TRAPPC9: variants seen among roughly 807,000 people sequenced by gnomAD.
TRAPPC9 encodes trafficking protein particle complex subunit 9.
In TRAPPC9, 83 loss-of-function variants were observed where a neutral mutation model predicts 124.0. That is an observed-to-expected ratio of 0.67 (90% CI 0.56 to 0.80). The LOEUF is 0.80. Ranked by LOEUF, TRAPPC9 falls within the 30% of genes least tolerant of loss-of-function variation. The pLI is 0.00. For missense variants in TRAPPC9, 1,302 were observed against 1,508.3 expected, an observed-to-expected ratio of 0.86 and a Z score of 2.27; for synonymous variants, 638 against 617.5, an observed-to-expected ratio of 1.03 and a Z score of -0.49.
intron 17 of TRAPPC9, among the ~76,000 whole-genome samples, chr8:140,046,891 C>T (rs117859669): frequency 0.031 from 4,729 of 152,334 alleles, 95 homozygotes; most frequent in Non-Finnish European, 0.045. Context: ...TGGAACTCAA[C>T]TTTTCTTCAT....
Position 140,397,629 on chromosome 8 carries a change from G to C in TRAPPC9, c.1125C>G (p.Asn375Lys). Reference sequence around the variant, plus strand: ...GTAGACATACACTCACCTGTCGAAGGTTAATGTAAACTGCATTCTGAAGAA... The same window carrying C: ...GTAGACATACACTCACCTGTCGAAGCTTAATGTAAACTGCATTCTGAAGAA... ...SEFLQNAVYI[N>K]LRQLSEEEKI... The change falls in exon 7 of 23, where the codon AAC becomes AAG. Residue 375 changes from asparagine (N) to lysine (K), a missense_variant. By Grantham distance (94) the Asn-to-Lys change is moderately conservative (BLOSUM62 0). Coordinates refer to ENST00000438773, the MANE Select transcript of TRAPPC9 (RefSeq NM_001160372.4). The C allele has an allele frequency of 6.2e-7, 1 of 1,614,090 alleles. No homozygotes were observed.
chr8:140,106,308 T>C (rs1337934708), intron 17 of TRAPPC9, among the ~76,000 whole-genome samples: 4 of 152,154 alleles, frequency 2.6e-5, no homozygotes, highest in African/African-American at 7.2e-5. Flanking sequence ...GCCAGAAAAG[T>C]TGCTGACAGG....
intron 2 of TRAPPC9, among the ~76,000 whole-genome samples, chr8:140,446,526 T>C (rs2071265446): frequency 6.6e-6 from 1 of 152,028 alleles, no homozygotes; most frequent in South Asian, 2.1e-4. Context: ...TGAGCCCTCA[T>C]AAGGGGCGCA....
intron 19 of TRAPPC9, among the ~76,000 whole-genome samples, chr8:139,985,739 T>A (rs1318047709): frequency 6.6e-6 from 1 of 152,104 alleles, no homozygotes; most frequent in Non-Finnish European, 1.5e-5. Flanking sequence ...ATGCGTGTCA[T>A]TAACAATAAT....
At chr8:139,823,600 C>T (rs925682147) in intron 21 of TRAPPC9, among the ~76,000 whole-genome samples, 1 of 152,176 alleles carries the variant, frequency 6.6e-6, no homozygotes, top group African/African-American at 2.4e-5. Context: ...GCTCCAGGAG[C>T]TGCCATGCCC....
chr8:140,105,459 T>C (rs1320202678), intron 17 of TRAPPC9, among the ~76,000 whole-genome samples: 1 of 152,170 alleles, frequency 6.6e-6, no homozygotes, highest in Non-Finnish European at 1.5e-5. Flanking sequence ...GGCCTCCTTA[T>C]TGTCAAGAGA....
At chr8:139,839,557 T>C (rs1353623835) in intron 21 of TRAPPC9, among the ~76,000 whole-genome samples, 1 of 152,226 alleles carries the variant, frequency 6.6e-6, no homozygotes, top group Non-Finnish European at 1.5e-5. Context: ...TTGGCCTCTG[T>C]GAAGGGACTC....
At chr8:140,010,319 C>T (rs967059286) in intron 18 of TRAPPC9, among the ~76,000 whole-genome samples, 1 of 152,114 alleles carries the variant, frequency 6.6e-6, no homozygotes, top group African/African-American at 2.4e-5. Context: ...AAGGAGAACA[C>T]ATGTCTAATC....
intron 21 of TRAPPC9, among the ~76,000 whole-genome samples, chr8:139,800,930 CTCCGGCACCTTCCCTCCA>C (rs1823467200): frequency 6.6e-6 from 1 of 151,478 alleles, no homozygotes; most frequent in Non-Finnish European, 1.5e-5. Flanking sequence ...CCTTCCCTCC[CTCCGGCACCTTCCCTCCA>C]TCCGGTACCT....
At chr8:140,360,795 G>A (rs1007473621) in intron 8 of TRAPPC9, among the ~76,000 whole-genome samples, 3 of 152,156 alleles carry the variant, frequency 2.0e-5, no homozygotes, top group Admixed American at 2.0e-4. Context: ...GTGTGGTGGT[G>A]CAATCACAGC....
intron 17 of TRAPPC9, among the ~76,000 whole-genome samples, chr8:140,066,141 G>A (rs1381178236): frequency 1.3e-5 from 2 of 152,222 alleles, no homozygotes; most frequent in Non-Finnish European, 2.9e-5. Context: ...AGGGGCTCAA[G>A]ACTTTGGCAG....
At chr8:140,364,741 C>T (rs993589133) in intron 8 of TRAPPC9, among the ~76,000 whole-genome samples, 12 of 152,098 alleles carry the variant, frequency 7.9e-5, no homozygotes, top group African/African-American at 2.9e-4. Context: ...CGCCACTACA[C>T]CTGGCTAATT....
chr8:140,088,449 C>G (rs569522934), intron 17 of TRAPPC9, among the ~76,000 whole-genome samples: 40 of 152,188 alleles, frequency 2.6e-4, no homozygotes, highest in Non-Finnish European at 4.4e-4. Context: ...AAGTGGCAAG[C>G]CTCATCTCCG....
chr8:139,973,745 A>C (rs970072670), intron 19 of TRAPPC9, among the ~76,000 whole-genome samples: 9 of 152,214 alleles, frequency 5.9e-5, no homozygotes, highest in Middle Eastern at 6.8e-3. Context: ...TTCCTTCCCC[A>C]CATGCAGGAC....
At chr8:140,364,704 T>C (rs2068058486) in intron 8 of TRAPPC9, among the ~76,000 whole-genome samples, 1 of 151,952 alleles carries the variant, frequency 6.6e-6, no homozygotes, top group Non-Finnish European at 1.5e-5. Context: ...TGCCTCAACC[T>C]CCTGAGTAGC....
chr8:139,859,816 C>T (rs926756490), intron 21 of TRAPPC9, among the ~76,000 whole-genome samples: 2 of 152,226 alleles, frequency 1.3e-5, no homozygotes, highest in Non-Finnish European at 2.9e-5. Flanking sequence ...GGACAGCAGG[C>T]AGTACCCTGA....
chr8:139,731,919 A>C, intron 22 of TRAPPC9, 60 bp downstream of exon 22: 1 of 1,458,928 alleles, frequency 6.9e-7, no homozygotes, highest in Non-Finnish European at 9.4e-7. Flanking sequence ...CACCCAGGGA[A>C]GGGGGGATGA....
chr8:140,093,735 C>G (rs898131927), intron 17 of TRAPPC9, among the ~76,000 whole-genome samples: 7 of 151,922 alleles, frequency 4.6e-5, no homozygotes, highest in African/African-American at 1.4e-4. Context: ...AATTTAGAGG[C>G]CAAACCTGAC....
intron 4 of TRAPPC9, among the ~76,000 whole-genome samples, chr8:140,430,162 AT>A (rs1361753019): frequency 6.6e-6 from 1 of 151,932 alleles, no homozygotes; most frequent in Non-Finnish European, 1.5e-5. Flanking sequence ...AAAAAAAAAA[AT>A]GTTATCTGTT....
Sources: gnomAD v4.1 joint callset for allele counts (sites outside exome capture counted in the v4.1 genomes callset) on GRCh38, gnomAD v4.1.1 for gene constraint, MANE v1.5 for transcripts, NCBI Gene and HGNC (gene_info 2026-07-23, HGNC 2026-07-21) for gene names.